Variants in MYO3B observed in about 807,000 individuals in gnomAD.
MYO3B encodes myosin IIIB.
Under a neutral mutation model 174.6 loss-of-function variants are expected in MYO3B, and 156 were observed. The ratio of observed to expected loss-of-function variants is 0.89; its 90% CI spans 0.78 to 1.02. MYO3B has a LOEUF of 1.02. Ranked by LOEUF, MYO3B falls within the 50% of genes least tolerant of loss-of-function variation. The pLI is 0.00. For synonymous variants in MYO3B, 563 were observed against 569.1 expected (o/e 0.99, Z 0.15); for missense variants, 1,632 against 1,639.4 (o/e 1.00, Z 0.08).
At chr2:170,357,879 G>A (rs538373900) in intron 8 of MYO3B, among the ~76,000 whole-genome samples, 4 of 152,300 alleles carry the variant, frequency 2.6e-5, no homozygotes, top group Non-Finnish European at 5.9e-5. Flanking sequence ...CCAGCTGGGC[G>A]CAGTGGCTCA....
At chr2:170,264,298 C>T (rs1020293233) in intron 7 of MYO3B, among the ~76,000 whole-genome samples, 1 of 152,172 alleles carries the variant, frequency 6.6e-6, no homozygotes, top group South Asian at 2.1e-4. Flanking sequence ...CTTTCTTTAC[C>T]TGGCTTTTTC....
intron 32 of MYO3B, among the ~76,000 whole-genome samples, chr2:170,646,463 C>T (rs922288721): frequency 9.9e-5 from 15 of 151,618 alleles, no homozygotes; most frequent in African/African-American, 2.2e-4. Context: ...GGCGCGATCT[C>T]GGCTCACTGC....
chr2:170,411,577 A>G (rs984288171), intron 22 of MYO3B: 1 of 152,248 alleles, frequency 6.6e-6, no homozygotes, highest in African/African-American at 2.4e-5. Context: ...TACATGGCGC[A>G]TGACACTACT....
intron 16 of MYO3B, among the ~76,000 whole-genome samples, chr2:170,395,280 A>T (rs1384631024): frequency 6.6e-6 from 1 of 152,200 alleles, no homozygotes; most frequent in Admixed American, 6.5e-5. Flanking sequence ...CTGGAGCCAA[A>T]CCATACTATT....
At chr2:170,532,708 C>T (rs779901547) in intron 30 of MYO3B, among the ~76,000 whole-genome samples, 5 of 150,446 alleles carry the variant, frequency 3.3e-5, no homozygotes, top group African/African-American at 4.9e-5. Flanking sequence ...CCCAGCTACT[C>T]GGGAGGCTGA....
At chr2:170,299,107 A>G (rs547622215) in intron 7 of MYO3B, among the ~76,000 whole-genome samples, 1 of 152,272 alleles carries the variant, frequency 6.6e-6, no homozygotes, top group Admixed American at 6.5e-5. Flanking sequence ...TAAGTGATGC[A>G]TGACTGTATT....
chr2:170,280,258 C>A (rs1455922932), intron 7 of MYO3B, among the ~76,000 whole-genome samples: 1 of 151,742 alleles, frequency 6.6e-6, no homozygotes, highest in African/African-American at 2.4e-5. Context: ...GCACATATGT[C>A]TTATTTTGAA....
At chr2:170,365,330 T>C (rs1441462351) in intron 8 of MYO3B, among the ~76,000 whole-genome samples, 1 of 152,208 alleles carries the variant, frequency 6.6e-6, no homozygotes, top group African/African-American at 2.4e-5. Flanking sequence ...TATTATTTCT[T>C]ATCCTAAAGA....
At position 170,217,348 on chromosome 2, in the gene MYO3B, C is replaced by T; in HGVS notation, c.556C>T (p.Leu186=). 6.2e-7 allele frequency: 1 copy of T among 1,614,122 alleles called. No individual in the cohort carries two copies. Among genetic ancestry groups the T allele is most frequent in the Non-Finnish European group, 8.5e-7 (1 of 1,179,956 alleles). ...GVSAQLTSTR[L]RRNTSVGTPF... The stretch of plus-strand genomic sequence containing the variant: ...TTCAGCTCAACTCACCAGTACACGT[C>T]TGCGGAGAAACACATCTGTTGGCAC... The change falls in exon 6 of 35, where the codon CTG becomes TTG. Residue 186 remains leucine (L), a synonymous_variant. Coordinates refer to ENST00000408978, the MANE Select transcript of MYO3B (RefSeq NM_138995.5).
chr2:170,646,897 C>G, intron 32 of MYO3B: 3 of 1,354,876 alleles, frequency 2.2e-6, no homozygotes, highest in Non-Finnish European at 3.0e-6. Context: ...ATTTCTCTGT[C>G]TCTCGCCTCA....
At chr2:170,292,658 C>T (rs1265789897) in intron 7 of MYO3B, among the ~76,000 whole-genome samples, 3 of 152,154 alleles carry the variant, frequency 2.0e-5, no homozygotes, top group Non-Finnish European at 2.9e-5. Context: ...AGTAAATGAT[C>T]TGAGCCCTGC....
At chr2:170,595,166 G>GT (rs1559144783) in intron 32 of MYO3B, among the ~76,000 whole-genome samples, 1 of 152,018 alleles carries the variant, frequency 6.6e-6, no homozygotes, top group African/African-American at 2.4e-5. Context: ...GGTAACCATC[G>GT]TTTTGCAGGG....
chr2:170,403,399 T>C (rs569912697), intron 19 of MYO3B, among the ~76,000 whole-genome samples: 63 of 152,282 alleles, frequency 4.1e-4, no homozygotes, highest in African/African-American at 1.4e-3. Context: ...ATATACCAGA[T>C]CCCACAGTCA....
chr2:170,230,174 G>T lies in MYO3B; in HGVS notation c.604-5817G>T, dbSNP rs866832611. Reference sequence around the variant, plus strand: ...TCATGGGGACCTAGTTTTTTTTTTTGTTTTTTTTTTTTCGAGACAGAGTCT... The same window carrying T: ...TCATGGGGACCTAGTTTTTTTTTTTTTTTTTTTTTTTTCGAGACAGAGTCT... On this transcript the variant is annotated intron_variant, in intron 6 of 34. Coordinates refer to ENST00000408978, the MANE Select transcript of MYO3B (RefSeq NM_138995.5). Among the ~76,000 whole-genome samples the T allele has an allele frequency of 5.3e-3, 683 of 127,940 alleles. 5 individuals are homozygous for T. The highest frequency in any genetic ancestry group is 0.015 in the African/African-American group (530 of 34,560). The allele number at this position is 127,940 out of a possible 152,430, so 83.9% of individuals were successfully genotyped here.
chr2:170,622,559 C>A (rs1229849878), intron 32 of MYO3B, among the ~76,000 whole-genome samples: 1 of 149,790 alleles, frequency 6.7e-6, no homozygotes, highest in Non-Finnish European at 1.5e-5. Flanking sequence ...TTCTTACATT[C>A]TTTTATAATA....
intron 32 of MYO3B, among the ~76,000 whole-genome samples, chr2:170,578,188 G>C (rs1166864692): frequency 6.6e-6 from 1 of 152,230 alleles, no homozygotes; most frequent in Admixed American, 6.5e-5. Context: ...CAGACAAGCT[G>C]TTAGCCTGAG....
chr2:170,598,542 A>G (rs2106337829), intron 32 of MYO3B, among the ~76,000 whole-genome samples: 1 of 152,316 alleles, frequency 6.6e-6, no homozygotes, highest in South Asian at 2.1e-4. Context: ...GAATCCAGCT[A>G]TCCTGTGTGG....
At chr2:170,213,997 A>T (rs1442915980) in intron 3 of MYO3B, among the ~76,000 whole-genome samples, 1 of 152,218 alleles carries the variant, frequency 6.6e-6, no homozygotes, top group African/African-American at 2.4e-5. Context: ...AAAAACATAG[A>T]CAATATTCAT....
chr2:170,217,501 A>C, intron 6 of MYO3B, 106 bp downstream of exon 6: 1 of 919,972 alleles, frequency 1.1e-6, no homozygotes, highest in Non-Finnish European at 1.8e-6. Flanking sequence ...GGGAGAAGAA[A>C]GTCCATTATC....
Sources: allele counts gnomAD v4.1 joint callset (sites outside exome capture counted in the v4.1 genomes callset), GRCh38; gene constraint gnomAD v4.1.1; transcripts MANE v1.5; gene names NCBI Gene and HGNC (gene_info 2026-07-23, HGNC 2026-07-21).